The following TMEM117 variants were observed in gnomAD, a reference collection of about 807,000 sequenced individuals.
TMEM117 encodes the protein transmembrane protein 117.
Under a neutral mutation model 52.4 loss-of-function variants are expected in TMEM117, and 27 were observed. That is an observed-to-expected ratio of 0.51 (90% CI 0.38 to 0.71). The LOEUF (loss-of-function observed/expected upper bound fraction) is 0.71, where lower values mean the gene tolerates loss of function less well. Ranked by LOEUF, TMEM117 falls within the 30% of genes least tolerant of loss-of-function variation. TMEM117 has a pLI of 0.00. For synonymous variants in TMEM117, 215 were observed against 206.3 expected (o/e 1.04, Z -0.36); for missense variants, 556 against 630.5 (o/e 0.88, Z 1.26).
intron 6 of TMEM117, among the ~76,000 whole-genome samples, chr12:44,313,320 T>G (rs1407108253): frequency 6.6e-6 from 1 of 152,238 alleles, no homozygotes; most frequent in Non-Finnish European, 1.5e-5. Flanking sequence ...TTCATTCTTC[T>G]GCATATGACT....
chr12:44,136,409 A>G (rs1948491081), intron 3 of TMEM117, among the ~76,000 whole-genome samples: 1 of 152,138 alleles, frequency 6.6e-6, no homozygotes, highest in African/African-American at 2.4e-5. Context: ...TATGAAAGAA[A>G]CTTGGGATAT....
intron 3 of TMEM117, among the ~76,000 whole-genome samples, chr12:44,027,961 T>C (rs1478007433): frequency 6.6e-6 from 1 of 152,140 alleles, no homozygotes; most frequent in East Asian, 1.9e-4. Flanking sequence ...ATCCCAGCAC[T>C]TAGGGAGGCC....
chr12:44,153,431 A>G (rs1948783663), intron 4 of TMEM117, among the ~76,000 whole-genome samples: 1 of 152,022 alleles, frequency 6.6e-6, no homozygotes, highest in South Asian at 2.1e-4. Flanking sequence ...TTACATGTCA[A>G]TTGAATTTGT....
chr12:44,348,250 G>A (rs1461903330), intron 6 of TMEM117, among the ~76,000 whole-genome samples: 8 of 141,078 alleles, frequency 5.7e-5, no homozygotes, highest in Non-Finnish European at 1.1e-4. Context: ...TTTGACAAGG[G>A]CAATACTCTT....
intron 4 of TMEM117, among the ~76,000 whole-genome samples, chr12:44,171,624 A>G (rs1011073999): frequency 2.4e-4 from 37 of 152,164 alleles, no homozygotes; most frequent in Non-Finnish European, 1.3e-4. Flanking sequence ...CTTCTCAGCA[A>G]TAGTATTTAA....
chr12:44,325,310 A>C (rs1184879817), intron 6 of TMEM117, among the ~76,000 whole-genome samples: 2 of 152,130 alleles, frequency 1.3e-5, no homozygotes, highest in Non-Finnish European at 2.9e-5. Flanking sequence ...ATCCACACTA[A>C]GTGGGGGCAG....
chr12:44,043,909 G>A (rs1325054152), intron 3 of TMEM117, among the ~76,000 whole-genome samples: 2 of 152,216 alleles, frequency 1.3e-5, no homozygotes, highest in African/African-American at 4.8e-5. Context: ...GGCCCGCTAA[G>A]TAGGGACTCT....
intron 3 of TMEM117, among the ~76,000 whole-genome samples, chr12:44,013,086 C>T (rs527574437): frequency 4.0e-5 from 6 of 151,398 alleles, no homozygotes; most frequent in Non-Finnish European, 8.8e-5. Flanking sequence ...CCAGTAATGG[C>T]GTGAACAGGG....
At chr12:43,854,541 A>T (rs956136209) in intron 2 of TMEM117, among the ~76,000 whole-genome samples, 1 of 152,178 alleles carries the variant, frequency 6.6e-6, no homozygotes, top group Non-Finnish European at 1.5e-5. Context: ...CACATAAGTG[A>T]TGGCTCATTT....
At chr12:44,313,529 AGTCAG>A (rs1322595719) in intron 6 of TMEM117, among the ~76,000 whole-genome samples, 1 of 152,184 alleles carries the variant, frequency 6.6e-6, no homozygotes, top group African/African-American at 2.4e-5. Context: ...TGTAGTTTGA[AGTCAG>A]GTAGTGTGAT....
upstream of TMEM117, among the ~76,000 whole-genome samples, chr12:43,834,003 G>A (rs919731906): frequency 2.6e-5 from 4 of 152,044 alleles, no homozygotes; most frequent in Non-Finnish European, 4.4e-5. Context: ...TGAGGTGGGA[G>A]GATCACTTGA....
chr12:44,295,891 T>C (rs917254502), intron 5 of TMEM117, among the ~76,000 whole-genome samples: 1 of 152,202 alleles, frequency 6.6e-6, no homozygotes, highest in Non-Finnish European at 1.5e-5. Flanking sequence ...CATGTTTATC[T>C]AATTCTTTAT....
chr12:43,865,897 G>A (rs1943587729), intron 2 of TMEM117, among the ~76,000 whole-genome samples: 1 of 151,676 alleles, frequency 6.6e-6, no homozygotes, highest in Non-Finnish European at 1.5e-5. Flanking sequence ...CTTAGAGGAA[G>A]ATAATAAAAC....
At position 43,837,327 on chromosome 12, in the gene TMEM117, ATTTCT is replaced by A. The variant is rs566055901; in HGVS notation, c.-29+1144_-29+1148del. The stretch of plus-strand genomic sequence containing the variant: ...TTGTGTTTGGAATATGATCATGGCA[ATTTCT>A]TTTCTTTTCTTTAATTTCTGTCTTT... On this transcript the variant is annotated intron_variant, in intron 1 of 7. Coordinates refer to ENST00000266534, the MANE Select transcript of TMEM117 (RefSeq NM_032256.3). Among the ~76,000 whole-genome samples, 317 of 151,908 alleles carry A rather than the reference ATTTCT, an allele frequency of 2.1e-3. 2 individuals are homozygous for A. The highest frequency in any genetic ancestry group is 7.0e-3 in the African/African-American group (289 of 41,446).
chr12:43,991,864 A>G (rs1408646398), intron 3 of TMEM117, among the ~76,000 whole-genome samples: 2 of 152,152 alleles, frequency 1.3e-5, no homozygotes, highest in East Asian at 3.9e-4. Context: ...TTCCAGTCTC[A>G]GCCTTTGTGA....
At chr12:44,271,958 AC>A (rs1950451266) in intron 5 of TMEM117, among the ~76,000 whole-genome samples, 1 of 152,118 alleles carries the variant, frequency 6.6e-6, no homozygotes, top group Non-Finnish European at 1.5e-5. Flanking sequence ...AAGAAGACAT[AC>A]AGAAATCCAA....
intron 5 of TMEM117, among the ~76,000 whole-genome samples, chr12:44,233,537 G>A (rs1176918559): frequency 3.3e-5 from 5 of 151,122 alleles, no homozygotes; most frequent in African/African-American, 1.2e-4. Context: ...CCAATAATAT[G>A]TTAAATATGT....
chr12:44,201,363 C>T (rs1407447280), intron 4 of TMEM117, among the ~76,000 whole-genome samples: 3 of 152,104 alleles, frequency 2.0e-5, no homozygotes, highest in Non-Finnish European at 4.4e-5. Flanking sequence ...ACATAGAGGA[C>T]AGAGAAAACC....
chr12:44,102,833 G>A (rs1404943022), intron 3 of TMEM117, among the ~76,000 whole-genome samples: 1 of 151,984 alleles, frequency 6.6e-6, no homozygotes, highest in African/African-American at 2.4e-5. Flanking sequence ...GGAGGTAATT[G>A]AATCATGGGA....
Sources: allele counts gnomAD v4.1 joint callset (sites outside exome capture counted in the v4.1 genomes callset), GRCh38; gene constraint gnomAD v4.1.1; transcripts MANE v1.5; gene names NCBI Gene and HGNC (gene_info 2026-07-23, HGNC 2026-07-21).